The following MAN1A2 variants were observed in gnomAD, a reference collection of about 807,000 sequenced individuals.
MAN1A2 encodes the protein mannosyl-oligosaccharide 1,2-alpha-mannosidase IB.
A neutral mutation model predicts 75.7 loss-of-function variants in MAN1A2; 26 were observed. The ratio of observed to expected loss-of-function variants is 0.34; its 90% CI spans 0.25 to 0.48. MAN1A2 has a LOEUF of 0.48. Among genes scored for constraint, MAN1A2 ranks in the 20% least tolerant of loss-of-function variants. The pLI is 0.99. For synonymous variants in MAN1A2, 247 were observed against 264.6 expected (o/e 0.93, Z 0.65); for missense variants, 562 against 775.5 (o/e 0.72, Z 3.27).
Position 117,466,404 on chromosome 1 carries a change from C to A in MAN1A2, c.1145C>A (p.Pro382His), listed in dbSNP as rs933901470. ...GGTCTTTATCCAAATTATTTGAACC[C>A]CAGAACAGGGCGCTGGGGTCAGTGT... is the stretch of plus-strand genomic sequence containing the variant. ...PNGLYPNYLN[P>H]RTGRWGQYHT... is the part of the protein sequence containing the mutation. Residue 382 changes from proline to histidine, a missense_variant, in exon 8 of 13, where the codon CCC (proline) becomes CAC (histidine). Transcript: ENST00000356554. 1.2e-6 allele frequency: 2 copies of A among 1,610,700 alleles called. No individual in the cohort carries two copies. The highest frequency in any genetic ancestry group is 1.7e-6 in the Non-Finnish European group (2 of 1,178,158).
At chr1:117,454,963 AC>A (rs1649533607) in intron 6 of MAN1A2, among the ~76,000 whole-genome samples, 1 of 152,122 alleles carries the variant, frequency 6.6e-6, no homozygotes, top group Non-Finnish European at 1.5e-5. Context: ...ACTAAAAACT[AC>A]TGAATCCAAA....
chr1:117,442,836 A>G (rs1649088185), intron 6 of MAN1A2, among the ~76,000 whole-genome samples: 1 of 152,182 alleles, frequency 6.6e-6, no homozygotes, highest in Non-Finnish European at 1.5e-5. Flanking sequence ...TAGCATCTAC[A>G]CTAGTGAAGT....
At chr1:117,501,023 G>A (rs987415173) in intron 11 of MAN1A2, among the ~76,000 whole-genome samples, 3 of 151,814 alleles carry the variant, frequency 2.0e-5, no homozygotes, top group African/African-American at 7.2e-5. Context: ...GGAGTGGAAA[G>A]TGGTGGCAGA....
Position 117,499,438 on chromosome 1 carries a change from GT to G in MAN1A2, c.1562del (p.Val521AlafsTer14). On this transcript the variant is annotated frameshift_variant, in exon 11 of 13. Transcript: ENST00000356554. LOFTEE classifies it high-confidence loss of function. ...KFDGAVEAVA[V>X]RQAEKYYILR... Reference sequence around the variant, plus strand: ...TGATGGTGCAGTGGAGGCTGTGGCTGTCCGGCAGGCTGAAAAGTATTATATC... The same window carrying G: ...TGATGGTGCAGTGGAGGCTGTGGCTGCCGGCAGGCTGAAAAGTATTATATC... 1 of 1,604,666 alleles carries G rather than the reference GT, an allele frequency of 6.2e-7. No homozygotes were observed. Among genetic ancestry groups the G allele is most frequent in the Non-Finnish European group, 8.5e-7 (1 of 1,175,746 alleles).
At chr1:117,418,341 A>C (rs1445836890) in intron 4 of MAN1A2, among the ~76,000 whole-genome samples, 2 of 152,056 alleles carry the variant, frequency 1.3e-5, no homozygotes, top group African/African-American at 4.8e-5. Context: ...ATGGAGAGTA[A>C]TGGTGGGGTA....
chr1:117,458,514 T>G (rs10157879), intron 6 of MAN1A2, among the ~76,000 whole-genome samples: 11 of 98,910 alleles, frequency 1.1e-4, no homozygotes, highest in African/African-American at 5.1e-4. Context: ...TATATATAGA[T>G]ATATATATAT....
At chr1:117,398,870 A>G (rs1467319024) in intron 1 of MAN1A2, among the ~76,000 whole-genome samples, 2 of 152,170 alleles carry the variant, frequency 1.3e-5, no homozygotes, top group Non-Finnish European at 2.9e-5. Flanking sequence ...TAGTCTGAAT[A>G]ATTTCAGAAA....
intron 8 of MAN1A2, among the ~76,000 whole-genome samples, chr1:117,475,066 A>G (rs1363644626): frequency 6.6e-6 from 1 of 151,880 alleles, no homozygotes; most frequent in Non-Finnish European, 1.5e-5. Flanking sequence ...TTGTTTATCC[A>G]TTCTCCTGTT....
intron 8 of MAN1A2, among the ~76,000 whole-genome samples, chr1:117,476,697 G>C (rs981581763): frequency 1.3e-5 from 2 of 151,988 alleles, no homozygotes; most frequent in Non-Finnish European, 2.9e-5. Context: ...TGAGGCCTCT[G>C]TTGTGTTTCA....
intron 5 of MAN1A2, among the ~76,000 whole-genome samples, chr1:117,440,635 G>A (rs1649000021): frequency 6.6e-6 from 1 of 151,788 alleles, no homozygotes; most frequent in Non-Finnish European, 1.5e-5. Flanking sequence ...TATGTTAATT[G>A]CTATTAATGA....
intron 8 of MAN1A2, among the ~76,000 whole-genome samples, chr1:117,490,666 A>G (rs1387927589): frequency 2.0e-5 from 3 of 152,120 alleles, no homozygotes; most frequent in Non-Finnish European, 4.4e-5. Context: ...CAAAAGCTAG[A>G]TGTAATTAAG....
intron 8 of MAN1A2, among the ~76,000 whole-genome samples, chr1:117,480,584 A>G (rs1027923594): frequency 1.3e-5 from 2 of 151,608 alleles, no homozygotes; most frequent in Admixed American, 1.3e-4. Context: ...TTTTCCTCCT[A>G]TTTACTGGGC....
intron 1 of MAN1A2, among the ~76,000 whole-genome samples, 188 bp downstream of exon 1, chr1:117,368,673 A>G (rs914090986): frequency 2.0e-5 from 3 of 152,108 alleles, no homozygotes; most frequent in Non-Finnish European, 4.4e-5. Flanking sequence ...TCTATGGTAG[A>G]GTCCATAGAC....
At chr1:117,521,589 T>TA (rs1487409338) in intron 12 of MAN1A2, among the ~76,000 whole-genome samples, 1 of 151,948 alleles carries the variant, frequency 6.6e-6, no homozygotes, top group Non-Finnish European at 1.5e-5. Context: ...AACGTAAACT[T>TA]ACACAACCAC....
At chr1:117,476,693 C>T (rs1650324658) in intron 8 of MAN1A2, among the ~76,000 whole-genome samples, 1 of 151,898 alleles carries the variant, frequency 6.6e-6, no homozygotes, top group Admixed American at 6.6e-5. Flanking sequence ...TTTCTGAGGC[C>T]TCTGTTGTGT....
chr1:117,503,631 T>C (rs942311912), intron 12 of MAN1A2, among the ~76,000 whole-genome samples: 1 of 151,604 alleles, frequency 6.6e-6, no homozygotes, highest in African/African-American at 2.4e-5. Context: ...ATACTCGCTC[T>C]TAAATTTATT....
intron 1 of MAN1A2, among the ~76,000 whole-genome samples, chr1:117,378,336 A>G (rs1038119009): frequency 2.0e-5 from 3 of 152,132 alleles, no homozygotes; most frequent in African/African-American, 7.2e-5. Context: ...GATATAAATT[A>G]TATACAGTTT....
intron 2 of MAN1A2, 57 bp downstream of exon 2, chr1:117,402,498 C>A: frequency 7.0e-7 from 1 of 1,426,988 alleles, no homozygotes; most frequent in Non-Finnish European, 9.5e-7. Context: ...TGGATACAAA[C>A]AAATATATAT....
At chr1:117,495,109 A>G (rs1007655643) in intron 9 of MAN1A2, 3 of 151,830 alleles carry the variant, frequency 2.0e-5, no homozygotes, top group Non-Finnish European at 4.4e-5. Context: ...ATGCTTTGAA[A>G]GGCATGATAA....
Sources: allele counts gnomAD v4.1 joint callset (sites outside exome capture counted in the v4.1 genomes callset), GRCh38; gene constraint gnomAD v4.1.1; transcripts MANE v1.5; gene names NCBI Gene and HGNC (gene_info 2026-07-23, HGNC 2026-07-21).